CLPTM1L: variants seen among roughly 807,000 people sequenced by gnomAD.
CLPTM1L encodes the protein CLPTM1 like.
CLPTM1L carries 38 observed loss-of-function variants against 70.9 expected under a neutral mutation model. The observed-to-expected ratio is 0.54, with a 90% CI of 0.41 to 0.70. The LOEUF (loss-of-function observed/expected upper bound fraction) is 0.70. Ranked by LOEUF, CLPTM1L falls within the 30% of genes least tolerant of loss-of-function variation. CLPTM1L has a pLI of 0.00. For synonymous variants in CLPTM1L, 339 were observed against 299.9 expected (o/e 1.13, Z -1.35); for missense variants, 652 against 705.9 (o/e 0.92, Z 0.87).
In CLPTM1L at chr5:1,331,633, G is replaced by T. The variant is rs367650311; in HGVS notation, c.976+166C>A. 6 of 627,556 alleles carry T rather than the reference G, an allele frequency of 9.6e-6. No homozygotes were observed. The East Asian group carries it at 1.1e-4, about 11-fold the overall frequency. 38.9% of individuals were successfully genotyped at this position (627,556 alleles called of 1,614,324 possible). A position where few individuals can be genotyped will look rare whatever the true frequency, so the allele number is the denominator to read the frequency against. ...ATGGTCCCACCACAATTGCCGCAACGGCTCCCTGGGCTTTACGGTGCCTGG... is the reference window on the plus strand; with the variant it reads ...ATGGTCCCACCACAATTGCCGCAACTGCTCCCTGGGCTTTACGGTGCCTGG... On this transcript the variant is annotated intron_variant, in intron 8 of 16. Coordinates refer to ENST00000320895, the MANE Select transcript of CLPTM1L (RefSeq NM_030782.5).
chr5:1,321,855 G>A (rs759733807), intron 13 of CLPTM1L, 36 bp from the exon 14 acceptor site: 2 of 1,593,372 alleles, frequency 1.3e-6, no homozygotes, highest in African/African-American at 1.3e-5. Flanking sequence ...GAGGTGCGGA[G>A]GGCCGGGCTG....
intron 15 of CLPTM1L, 44 bp from the exon 16 acceptor site, chr5:1,320,775 C>T: frequency 1.7e-6 from 2 of 1,179,188 alleles, no homozygotes; most frequent in Admixed American, 2.4e-5. Context: ...GTTGCTGGGG[C>T]TGGAATCCTA....
At chr5:1,325,694 G>T in intron 10 of CLPTM1L, 57 bp downstream of exon 10, 1 of 1,463,502 alleles carries the variant, frequency 6.8e-7, no homozygotes, top group Non-Finnish European at 9.6e-7. Flanking sequence ...TTGCACAGGG[G>T]GCAAAATCAC....
intron 15 of CLPTM1L, among the ~76,000 whole-genome samples, chr5:1,321,065 G>GT (rs1024174869): frequency 6.6e-6 from 1 of 152,126 alleles, no homozygotes; most frequent in Non-Finnish European, 1.5e-5. Context: ...CAGAGCCAAG[G>GT]TTAGAGCCGC....
Position 1,334,268 on chromosome 5 carries a change from G to GC in CLPTM1L, c.891+20dup, listed in dbSNP as rs752330018. Reference sequence around the variant, plus strand: ...GGAGCCCCCCAAGTGCCTGCGGCAAGCCCCCCGGTGGATGACTCACATGGA... The same window carrying GC: ...GGAGCCCCCCAAGTGCCTGCGGCAAGCCCCCCCGGTGGATGACTCACATGGA... On this transcript the variant is annotated intron_variant, in intron 7 of 16. Transcript: ENST00000320895. The GC allele has an allele frequency of 1.1e-5, 17 of 1,599,440 alleles. No individual in the cohort carries two copies. In the Admixed American group the frequency reaches 2.3e-4, roughly 22 times the overall value.
At chr5:1,343,126 G>A (rs1754050647) in intron 2 of CLPTM1L, among the ~76,000 whole-genome samples, 1 of 152,130 alleles carries the variant, frequency 6.6e-6, no homozygotes. Context: ...GGGAACCGGA[G>A]GTTGCAGTGA....
In CLPTM1L at chr5:1,342,085, C is replaced by T. The variant is rs910830896; in HGVS notation, c.264-225G>A. On this transcript the variant is annotated intron_variant, in intron 2 of 16. Transcript: ENST00000320895. The surrounding 1 kb of genome is among the most constrained non-coding windows in gnomAD (Gnocchi z 4.3). Reference sequence around the variant, plus strand: ...CCTGAGAACTCGGCACAGGTGTGGGCGCCTACAGCCGAAAGCAAAACGGCC... The same window carrying T: ...CCTGAGAACTCGGCACAGGTGTGGGTGCCTACAGCCGAAAGCAAAACGGCC... 4.6e-5 allele frequency among the ~76,000 whole-genome samples: 7 copies of T among 151,508 alleles called. No individual in the cohort carries two copies. Among genetic ancestry groups the T allele is most frequent in the Non-Finnish European group, 1.0e-4 (7 of 67,970 alleles).
chr5:1,333,899 C>T (rs1164924961), intron 7 of CLPTM1L, among the ~76,000 whole-genome samples: 1 of 152,104 alleles, frequency 6.6e-6, no homozygotes, highest in East Asian at 1.9e-4. Context: ...CTGCTAGAGG[C>T]TGCCCAGCTC....
intron 7 of CLPTM1L, among the ~76,000 whole-genome samples, chr5:1,332,962 A>G (rs2447853): frequency 0.45 from 66,961 of 147,574 alleles, 15,740 homozygotes; most frequent in African/African-American, 0.57. Context: ...ACTGGATGAG[A>G]ACAAGGGGGG....
Position 1,344,983 on chromosome 5 carries a change from T to C in CLPTM1L, c.-142A>G, listed in dbSNP as rs1754185786. The C allele has an allele frequency of 3.0e-6, 1 of 332,286 alleles. No homozygotes were observed. Among genetic ancestry groups the C allele is most frequent in the Non-Finnish European group, 4.2e-6 (1 of 235,404 alleles). 20.6% of individuals were successfully genotyped at this position (332,286 alleles called of 1,614,324 possible). A position where few individuals can be genotyped will look rare whatever the true frequency, so the allele number is the denominator to read the frequency against. On this transcript the variant is annotated 5_prime_UTR_variant, in exon 1 of 17. Coordinates refer to ENST00000320895, the MANE Select transcript of CLPTM1L (RefSeq NM_030782.5). The stretch of plus-strand genomic sequence containing the variant: ...ACCGCCACCGCCGCGGGGGAACGAA[T>C]GCGCCGCGCGCCGCAGACCGCCGGC...
rs962331361 is a variant in CLPTM1L at position 1,332,961 on chromosome 5, G to A, written c.892-1078C>T. 1.7e-4 allele frequency among the ~76,000 whole-genome samples: 26 copies of A among 151,470 alleles called. 1 individual carries two copies. Among genetic ancestry groups the A allele is most frequent in the African/African-American group, 6.3e-4 (26 of 41,072 alleles). On this transcript the variant is annotated intron_variant, in intron 7 of 16. Transcript: ENST00000320895. The stretch of plus-strand genomic sequence containing the variant: ...GGACTACTGTATATACACTGGATGA[G>A]AACAAGGGGGGACTACTGTATACAC...
intron 12 of CLPTM1L, among the ~76,000 whole-genome samples, chr5:1,323,137 G>A (rs1393576697): frequency 6.6e-6 from 1 of 152,002 alleles, no homozygotes; most frequent in East Asian, 1.9e-4. Context: ...GAACCCCTCA[G>A]CTCAGGGCCA....
At chr5:1,323,952 G>T in intron 11 of CLPTM1L, 83 bp from the exon 12 acceptor site, 1 of 1,084,276 alleles carries the variant, frequency 9.2e-7, no homozygotes, top group Non-Finnish European at 1.4e-6. Context: ...CACCCCGACA[G>T]GGACAGACAG....
intron 13 of CLPTM1L, among the ~76,000 whole-genome samples, chr5:1,322,162 A>AGGTGTG (rs746490885): frequency 1.8e-4 from 28 of 152,218 alleles, no homozygotes; most frequent in Non-Finnish European, 3.5e-4. Flanking sequence ...CCCAGGGGTC[A>AGGTGTG]GGTGTGGGAC....
In CLPTM1L at chr5:1,318,434, G is replaced by GTTTATCCACAGGATAA. The variant is rs1751961455; in HGVS notation, c.1536_1551dup (p.Arg518LeufsTer5). 6.2e-7 allele frequency: 1 copy of GTTTATCCACAGGATAA among 1,613,660 alleles called. No individual in the cohort carries two copies. Among genetic ancestry groups the GTTTATCCACAGGATAA allele is most frequent in the African/African-American group, 1.3e-5 (1 of 74,898 alleles). ...GACTCCCCAAACTCGTTCACTCTGC[G>GTTTATCCACAGGATAA]TTTATCCACAGGATAAAGCCTGCAA... On this transcript the variant is annotated stop_gained and frameshift_variant, in exon 17 of 17. Coordinates refer to ENST00000320895, the MANE Select transcript of CLPTM1L (RefSeq NM_030782.5). LOFTEE classifies it high-confidence loss of function. This position sits in a 1 kb window ranked among gnomAD's most constrained non-coding sequence, Gnocchi z 8.9.
At chr5:1,333,360 G>A (rs1171762131) in intron 7 of CLPTM1L, among the ~76,000 whole-genome samples, 2 of 81,228 alleles carry the variant, frequency 2.5e-5, no homozygotes, top group Non-Finnish European at 4.6e-5. Flanking sequence ...ATGAGGATAA[G>A]GGGGGACTAC....
chr5:1,323,896 T>C (rs1382129104), intron 11 of CLPTM1L, 27 bp from the exon 12 acceptor site: 2 of 1,559,862 alleles, frequency 1.3e-6, no homozygotes, highest in Non-Finnish European at 1.8e-6. Context: ...TGGCTTCCAG[T>C]TAGAGGCCCA....
At chr5:1,339,256 G>C (rs1007009143) in intron 3 of CLPTM1L, among the ~76,000 whole-genome samples, 3 of 145,934 alleles carry the variant, frequency 2.1e-5, no homozygotes, top group Admixed American at 6.8e-5. Flanking sequence ...GCCCGGGACA[G>C]CAGGGTCAGT....
intron 7 of CLPTM1L, among the ~76,000 whole-genome samples, chr5:1,332,925 G>C (rs1019457561): frequency 1.1e-4 from 17 of 152,116 alleles, no homozygotes; most frequent in Admixed American, 9.8e-4. Flanking sequence ...CACCAGATGA[G>C]GATAAGGGGC....
Sources: allele counts gnomAD v4.1 joint callset (sites outside exome capture counted in the v4.1 genomes callset), GRCh38; gene constraint gnomAD v4.1.1; non-coding constraint Gnocchi (gnomAD v3.1); transcripts MANE v1.5; gene names NCBI Gene and HGNC (gene_info 2026-07-23, HGNC 2026-07-21).